TICRR: variants seen among roughly 807,000 people sequenced by gnomAD.
The protein encoded by TICRR is TOPBP1 interacting checkpoint and replication regulator.
In TICRR, 132 loss-of-function variants were observed where a neutral mutation model predicts 178.1. The observed-to-expected ratio is 0.74, with a 90% CI of 0.64 to 0.86. The LOEUF is 0.86. TICRR is among the 40% of genes least tolerant of loss of function. The pLI is 0.00. For missense variants in TICRR, 2,587 were observed against 2,334.3 expected (o/e 1.11, Z -2.23); for synonymous variants, 991 against 900.7 (o/e 1.10, Z -1.79).
chr15:89,603,125 T>G (rs1194203975), intron 13 of TICRR, among the ~76,000 whole-genome samples: 4 of 152,024 alleles, frequency 2.6e-5, no homozygotes, highest in Non-Finnish European at 4.4e-5. Flanking sequence ...CAAGTAAAAG[T>G]TAGGAATGAA....
chr15:89,623,960 A>C lies in TICRR; in HGVS notation c.3650A>C (p.Asn1217Thr). ...LPNCTWPHSV[N>T]SSPESPSCPA... Reference sequence around the variant, plus strand: ...AACTGTACTTGGCCACATTCAGTGAATTCCAGTCCAGAAAGCCCCTCCTGT... The same window carrying C: ...AACTGTACTTGGCCACATTCAGTGACTTCCAGTCCAGAAAGCCCCTCCTGT... The change falls in exon 20 of 22, where the codon AAT becomes ACT. Residue 1217 changes from asparagine (N) to threonine (T), a missense_variant. By Grantham distance (65) the Asn-to-Thr change is moderately conservative. Transcript: ENST00000268138. 24 of 1,614,046 alleles carry C rather than the reference A, an allele frequency of 1.5e-5. No homozygotes were observed. The highest frequency in any genetic ancestry group is 2.0e-5 in the Non-Finnish European group (24 of 1,180,016).
intron 19 of TICRR, 68 bp downstream of exon 19, chr15:89,621,618 C>CAG: frequency 7.3e-7 from 1 of 1,368,534 alleles, no homozygotes; most frequent in Non-Finnish European, 1.0e-6. Flanking sequence ...CCAAGGAACT[C>CAG]AGAGTCCATT....
At chr15:89,580,455 T>C (rs946778131) in intron 1 of TICRR, among the ~76,000 whole-genome samples, 10 of 152,238 alleles carry the variant, frequency 6.6e-5, no homozygotes, top group African/African-American at 2.4e-4. Flanking sequence ...TCAGGATCTA[T>C]GGCGTCTGAA....
Position 89,626,990 on chromosome 15 carries a change from AGAC to A in TICRR, c.5638_5640del (p.Asp1880del), listed in dbSNP as rs1282321231. 6.2e-7 allele frequency: 1 copy of A among 1,614,180 alleles called. No individual in the cohort carries two copies. Among genetic ancestry groups the A allele is most frequent in the Non-Finnish European group, 8.5e-7 (1 of 1,180,022 alleles). The stretch of plus-strand genomic sequence containing the variant: ...TGGATGTTCTTCCCTCCACTGTAGA[AGAC>A]TCTCCTTTCAGTCGCGCTTTCTCCA... On this transcript the variant is annotated inframe_deletion, in exon 22 of 22. Transcript: ENST00000268138.
At chr15:89,601,683 G>A in intron 11 of TICRR, 54 bp from the exon 12 acceptor site, 1 of 1,612,428 alleles carries the variant, frequency 6.2e-7, no homozygotes, top group Non-Finnish European at 8.5e-7. Flanking sequence ...GTGAGGGAGG[G>A]AATAGAGAGG....
chr15:89,619,335 C>T (rs1391786084), intron 17 of TICRR, among the ~76,000 whole-genome samples: 1 of 147,416 alleles, frequency 6.8e-6, no homozygotes, highest in African/African-American at 2.5e-5. Context: ...AAGCGATTCT[C>T]CTGCCACAGC....
chr15:89,591,961 G>T (rs1962920011), intron 4 of TICRR, 86 bp from the exon 5 acceptor site: 7 of 1,297,222 alleles, frequency 5.4e-6, no homozygotes, highest in African/African-American at 2.9e-5. Context: ...GATGCAGTCA[G>T]TCCAGGGGAG....
chr15:89,583,096 T>G, intron 2 of TICRR, 131 bp downstream of exon 2: 1 of 1,065,310 alleles, frequency 9.4e-7, no homozygotes, highest in South Asian at 1.7e-5. Context: ...ATGAAAGAAT[T>G]AAAAGACATC....
intron 1 of TICRR, 35 bp downstream of exon 1, chr15:89,576,275 A>G (rs571728915): frequency 6.6e-7 from 1 of 1,506,334 alleles, no homozygotes; most frequent in African/African-American, 1.4e-5. Flanking sequence ...GATGGCGTGC[A>G]CGGTGCTTTC....
rs36038260 is a variant in TICRR, at chr15:89,600,489, T to C, written c.2053-96T>C. ...ATTCAAATGAAAGAATAGAGAAGTT[T>C]ATAAGGGAATATATTTCCCTTTAGT... On this transcript the variant is annotated intron_variant, in intron 8 of 21. Transcript: ENST00000268138. 8.4e-3 allele frequency: 4,411 copies of C among 524,384 alleles called. 28 individuals are homozygous for C. Among genetic ancestry groups the C allele is most frequent in the Non-Finnish European group, 0.011 (3,203 of 298,384 alleles). 32.5% of individuals were successfully genotyped at this position (524,384 alleles called of 1,614,324 possible). A position where few individuals can be genotyped will look rare whatever the true frequency, so the allele number is the denominator to read the frequency against.
At chr15:89,598,853 G>GAA (rs1365729085) in intron 7 of TICRR, among the ~76,000 whole-genome samples, 2 of 151,922 alleles carry the variant, frequency 1.3e-5, no homozygotes, top group Non-Finnish European at 2.9e-5. Context: ...CAAAAATACA[G>GAA]AAAATAAGCT....
intron 21 of TICRR, among the ~76,000 whole-genome samples, chr15:89,626,544 C>A (rs1036895142): frequency 1.3e-5 from 2 of 152,192 alleles, no homozygotes; most frequent in African/African-American, 4.8e-5. Context: ...GGCCTGTTAA[C>A]TGCCCTGGTT....
chr15:89,625,624 T>G lies in TICRR; in HGVS notation c.5314T>G (p.Ser1772Ala), dbSNP rs1419537581. 6.2e-7 allele frequency: 1 copy of G among 1,613,280 alleles called. No homozygotes were observed. Among genetic ancestry groups the G allele is most frequent in the Non-Finnish European group, 8.5e-7 (1 of 1,179,996 alleles). ...TTCCTGGGGACAGTTTGGGTTGAGT[T>G]CCAGGAAGAGAGTCCTGTTGGCCAA... ...ASSWGQFGLSSRKRVLLAKEE... is the reference protein window; with the variant it reads ...ASSWGQFGLSARKRVLLAKEE... Residue 1772 changes from serine to alanine, a missense_variant, in exon 20 of 22, where the codon TCC (serine) becomes GCC (alanine). Physicochemically the swap from Ser to Ala is moderately conservative, Grantham distance 99 (BLOSUM62 1). Coordinates refer to ENST00000268138, the MANE Select transcript of TICRR (RefSeq NM_152259.4).
Position 89,601,350 on chromosome 15 carries a change from A to G in TICRR, c.2206A>G (p.Ile736Val), listed in dbSNP as rs1963092254. 1 of 1,614,204 alleles carries G rather than the reference A, an allele frequency of 6.2e-7. No individual in the cohort carries two copies. Among genetic ancestry groups the G allele is most frequent in the African/African-American group, 1.3e-5 (1 of 75,060 alleles). Residue 736 changes from isoleucine to valine, a missense_variant, in exon 10 of 22, where the codon ATA becomes GTA. Coordinates refer to ENST00000268138, the MANE Select transcript of TICRR (RefSeq NM_152259.4). The part of the protein sequence containing the change: ...RLEMCLQCPS[I>V]NESTDDMEQV... ...GGAGATGTGTCTGCAATGCCCTTCA[A>G]TAAATGAAAGTACAGATGATATGGA...
chr15:89,583,092 G>T (rs759637327), intron 2 of TICRR, 127 bp downstream of exon 2: 13 of 1,093,452 alleles, frequency 1.2e-5, no homozygotes, highest in Non-Finnish European at 1.6e-5. Flanking sequence ...TGTCATGAAA[G>T]AATTAAAAGA....
At chr15:89,619,141 C>T (rs1238962886) in intron 17 of TICRR, among the ~76,000 whole-genome samples, 1 of 151,614 alleles carries the variant, frequency 6.6e-6, no homozygotes, top group East Asian at 1.9e-4. Flanking sequence ...ACTCTTACTG[C>T]TATTATTTCT....
chr15:89,594,800 G>T (rs962065490), intron 6 of TICRR, among the ~76,000 whole-genome samples: 10 of 152,102 alleles, frequency 6.6e-5, no homozygotes, highest in Middle Eastern at 3.4e-3. Flanking sequence ...ACAACTTTGT[G>T]TTCTGCTTAT....
intron 15 of TICRR, among the ~76,000 whole-genome samples, chr15:89,611,198 T>C (rs973348499): frequency 6.6e-6 from 1 of 152,200 alleles, no homozygotes; most frequent in Non-Finnish European, 1.5e-5. Flanking sequence ...AGTCTACTGA[T>C]TATGAACTCC....
Position 89,624,882 on chromosome 15 carries a change from C to A in TICRR, c.4572C>A (p.Asp1524Glu), listed in dbSNP as rs147351837. Reference sequence around the variant, plus strand: ...GCTCTCCTCTGATGCCTTCCCGTGACGTGCACTGTACCACAGATGGGAGAC... The same window carrying A: ...GCTCTCCTCTGATGCCTTCCCGTGAAGTGCACTGTACCACAGATGGGAGAC... ...GPGSPLMPSR[D>E]VHCTTDGRQC... Residue 1524 changes from aspartate to glutamate, a missense_variant, in exon 20 of 22, where the codon GAC becomes GAA. Coordinates refer to ENST00000268138, the MANE Select transcript of TICRR (RefSeq NM_152259.4). The A allele has an allele frequency of 2.5e-6, 4 of 1,614,010 alleles. No homozygotes were observed. Among genetic ancestry groups the A allele is most frequent in the Non-Finnish European group, 3.4e-6 (4 of 1,180,032 alleles).
Sources: gnomAD v4.1 joint callset for allele counts (sites outside exome capture counted in the v4.1 genomes callset) on GRCh38, gnomAD v4.1.1 for gene constraint, MANE v1.5 for transcripts, NCBI Gene and HGNC (gene_info 2026-07-23, HGNC 2026-07-21) for gene names.